The following ARSK variants were observed in gnomAD, a reference collection of about 807,000 sequenced individuals.
ARSK encodes arylsulfatase family member K.
Under a neutral mutation model 53.2 loss-of-function variants are expected in ARSK, and 37 were observed. The ratio of observed to expected loss-of-function variants is 0.70; its 90% confidence interval spans 0.54 to 0.92. The LOEUF (loss-of-function observed/expected upper bound fraction) is 0.92, where lower values mean the gene tolerates loss of function less well. ARSK is among the 40% of genes least tolerant of loss of function. The pLI is 0.00. For missense variants in ARSK, 613 were observed against 643.0 expected, an observed-to-expected ratio of 0.95 and a Z score of 0.51; for synonymous variants, 208 against 223.2, an observed-to-expected ratio of 0.93 and a Z score of 0.61.
At chr5:95,559,766 C>G (rs766600214) in intron 1 of ARSK, among the ~76,000 whole-genome samples, 2 of 152,028 alleles carry the variant, frequency 1.3e-5, no homozygotes, top group Non-Finnish European at 2.9e-5. Flanking sequence ...AAAAAAAAAT[C>G]AGTTTTCTGA....
chr5:95,582,066 A>G (rs953242750), intron 3 of ARSK, among the ~76,000 whole-genome samples: 6 of 152,026 alleles, frequency 3.9e-5, no homozygotes, highest in Admixed American at 6.6e-5. Context: ...TTTTAGTATA[A>G]AATATTTTTT....
chr5:95,559,198 A>G (rs1298411205), intron 1 of ARSK, among the ~76,000 whole-genome samples: 1 of 152,174 alleles, frequency 6.6e-6, no homozygotes, highest in Non-Finnish European at 1.5e-5. Context: ...AATACATCAC[A>G]AGGAAAGAAA....
intron 4 of ARSK, 85 bp from the exon 5 acceptor site, chr5:95,586,475 CAT>C (rs1749114443): frequency 9.7e-7 from 1 of 1,032,190 alleles, no homozygotes; most frequent in African/African-American, 1.6e-5. Context: ...AGTAATTAAA[CAT>C]TGTTGATTTC....
At chr5:95,565,295 C>G (rs1561360881) in intron 1 of ARSK, among the ~76,000 whole-genome samples, 1 of 152,154 alleles carries the variant, frequency 6.6e-6, no homozygotes, top group Non-Finnish European at 1.5e-5. Flanking sequence ...GTTGCCCAGG[C>G]TGGTCTTGAC....
Position 95,580,414 on chromosome 5 carries a change from A to G in ARSK, c.417-2502A>G, listed in dbSNP as rs907686652. Among the ~76,000 whole-genome samples, 26 of 152,246 alleles carry G rather than the reference A, an allele frequency of 1.7e-4. 1 individual carries two copies. Among genetic ancestry groups the G allele is most frequent in the Non-Finnish European group, 7.3e-5 (5 of 68,044 alleles). On this transcript the variant is annotated intron_variant, in intron 3 of 7. Coordinates refer to ENST00000380009, the MANE Select transcript of ARSK (RefSeq NM_198150.3). Reference sequence around the variant, plus strand: ...ATATGATTTCCAGGTGCAATAGTTTAGCCTGATTAAGAGACCATCACTCTT... The same window carrying G: ...ATATGATTTCCAGGTGCAATAGTTTGGCCTGATTAAGAGACCATCACTCTT...
At chr5:95,575,721 T>C (rs12188620) in intron 3 of ARSK, among the ~76,000 whole-genome samples, 23,442 of 152,244 alleles carry the variant, frequency 0.15, 2,487 homozygotes, top group African/African-American at 0.3. Flanking sequence ...GAAATGCTAC[T>C]GATCTTTGTT....
At chr5:95,603,060 A>G (rs111445615) in intron 7 of ARSK, among the ~76,000 whole-genome samples, 177 bp from the exon 8 acceptor site, 124 of 152,246 alleles carry the variant, frequency 8.1e-4, no homozygotes, top group Middle Eastern at 3.4e-3. Context: ...GGCATGCAAC[A>G]TAGGGTGTTT....
chr5:95,580,983 C>T, intron 3 of ARSK: 1 of 1,164,918 alleles, frequency 8.6e-7, no homozygotes, highest in Non-Finnish European at 1.1e-6. Flanking sequence ...CTTGTCTCTG[C>T]TGCCTTAACA....
Position 95,566,114 on chromosome 5 carries a change from C to T in ARSK, c.243C>T (p.Cys81=), listed in dbSNP as rs1748723708. The change falls in exon 2 of 8, where the codon TGC becomes TGT. Residue 81 remains cysteine (C), a synonymous_variant. Transcript: ENST00000380009. ...CCTACACAAACTCTCCAATTTGTTG[C>T]CCATCACGCGCAGGTATGAACATCC... ...LNAYTNSPIC[C]PSRAAMWSGL... is the part of the protein sequence containing the mutation. 1 of 1,613,160 alleles carries T rather than the reference C, an allele frequency of 6.2e-7. No homozygotes were observed. Among genetic ancestry groups the T allele is most frequent in the African/African-American group, 1.3e-5 (1 of 74,860 alleles).
intron 3 of ARSK, among the ~76,000 whole-genome samples, chr5:95,579,470 C>T (rs141523018): frequency 1.6e-4 from 24 of 152,296 alleles, no homozygotes; most frequent in Admixed American, 5.9e-4. Context: ...TCTCAGGAGA[C>T]TTATTCACTA....
At chr5:95,594,766 G>A (rs1749275802) in intron 6 of ARSK, among the ~76,000 whole-genome samples, 1 of 152,076 alleles carries the variant, frequency 6.6e-6, no homozygotes. Flanking sequence ...CGTGAATCTG[G>A]GAGGCGGAGC....
intron 3 of ARSK, among the ~76,000 whole-genome samples, chr5:95,575,311 T>C (rs1417436263): frequency 1.3e-5 from 2 of 152,336 alleles, no homozygotes; most frequent in African/African-American, 4.8e-5. Context: ...TTGCTCAGCA[T>C]AGCTTGGACT....
chr5:95,582,924 T>C lies in ARSK; in HGVS notation c.425T>C (p.Val142Ala). 1.2e-6 allele frequency: 2 copies of C among 1,605,790 alleles called. No homozygotes were observed. Among genetic ancestry groups the C allele is most frequent in the African/African-American group, 1.3e-5 (1 of 74,916 alleles). The stretch of plus-strand genomic sequence containing the variant: ...TCTTTTTGCCCCCTCAGTAATCGTG[T>C]GGAAGCGTGGACAAGAGATGTTGCT... Reference protein sequence around the residue: ...TSGHHSISNRVEAWTRDVAFL... With the variant: ...TSGHHSISNRAEAWTRDVAFL... Residue 142 changes from valine (V) to alanine (A), a missense_variant, in exon 4 of 8, where the codon GTG becomes GCG. By Grantham distance (64) the Val-to-Ala change is moderately conservative. Transcript: ENST00000380009.
In ARSK at chr5:95,591,511, A is replaced by G. The variant is rs143306500; in HGVS notation, c.982A>G (p.Ser328Gly). The change falls in exon 6 of 8, where the codon AGC (serine) becomes GGC (glycine). Residue 328 changes from serine (S) to glycine (G), a missense_variant. Ser to Gly is a moderately conservative substitution (Grantham distance 56). Coordinates refer to ENST00000380009, the MANE Select transcript of ARSK (RefSeq NM_198150.3). ...GGAACATCGACAGTTTTATAAAATG[A>G]GCATGTACGAGGCTAGTGCACATGT... is the stretch of plus-strand genomic sequence containing the variant. Reference protein sequence around the residue: ...AMEHRQFYKMSMYEASAHVPL... With the variant: ...AMEHRQFYKMGMYEASAHVPL... 1,295 of 1,614,172 alleles carry G rather than the reference A, an allele frequency of 8.0e-4. 3 individuals are homozygous for G. Among genetic ancestry groups the G allele is most frequent in the Non-Finnish European group, 9.4e-4 (1,109 of 1,180,014 alleles).
chr5:95,591,159 T>A (rs1749208249), intron 5 of ARSK, among the ~76,000 whole-genome samples: 2 of 152,170 alleles, frequency 1.3e-5, no homozygotes, highest in Non-Finnish European at 2.9e-5. Context: ...GATCTCCAGA[T>A]AAGCAGCTTT....
chr5:95,568,327 C>T (rs1277935499), intron 3 of ARSK, among the ~76,000 whole-genome samples: 1 of 152,092 alleles, frequency 6.6e-6, no homozygotes, highest in South Asian at 2.1e-4. Flanking sequence ...ATTGAATTTC[C>T]TTTAATGGCT....
chr5:95,573,864 G>GT (rs1258384866), intron 3 of ARSK, among the ~76,000 whole-genome samples: 5 of 152,150 alleles, frequency 3.3e-5, no homozygotes, highest in Non-Finnish European at 5.9e-5. Flanking sequence ...TGTCCTTTGT[G>GT]TTACAAACAA....
chr5:95,572,027 T>C (rs1748840043), intron 3 of ARSK, among the ~76,000 whole-genome samples: 1 of 152,228 alleles, frequency 6.6e-6, no homozygotes. Flanking sequence ...CCTGCTTATA[T>C]TTTCAGCCAG....
chr5:95,581,355 G>T (rs1048701047), intron 3 of ARSK, among the ~76,000 whole-genome samples: 1 of 152,136 alleles, frequency 6.6e-6, no homozygotes, highest in Non-Finnish European at 1.5e-5. Flanking sequence ...AGCAAGCTGG[G>T]TTCAATATAG....
Sources: allele counts gnomAD v4.1 joint callset (sites outside exome capture counted in the v4.1 genomes callset), GRCh38; gene constraint gnomAD v4.1.1; transcripts MANE v1.5; gene names NCBI Gene and HGNC (gene_info 2026-07-23, HGNC 2026-07-21).